Variants in RNF4 observed in about 807,000 individuals in gnomAD.
RNF4 encodes E3 ubiquitin-protein ligase RNF4.
In RNF4, 7 loss-of-function variants were observed where a neutral mutation model predicts 24.3. The observed-to-expected ratio is 0.29, with a 90% confidence interval of 0.16 to 0.54. The LOEUF is 0.54. Among genes scored for constraint, RNF4 ranks in the 20% least tolerant of loss-of-function variants. The pLI, the probability that RNF4 is intolerant of heterozygous loss-of-function variation, is 0.95. For synonymous variants in RNF4, 83 were observed against 84.3 expected (o/e 0.98, Z 0.09); for missense variants, 209 against 248.5 (o/e 0.84, Z 1.07).
At position 2,492,025 on chromosome 4, in the gene RNF4, C is replaced by T. The variant is rs537131250; in HGVS notation, c.9+1523C>T. On this transcript the variant is annotated intron_variant, in intron 2 of 7. Coordinates refer to ENST00000314289, the MANE Select transcript of RNF4 (RefSeq NM_002938.5). The stretch of plus-strand genomic sequence containing the variant: ...CATCCTGGCTAACACGGTGAAACCC[C>T]GTCTCTACTAAAAATACAAAAAATT... 3.7e-4 allele frequency among the ~76,000 whole-genome samples: 56 copies of T among 151,792 alleles called. No homozygotes were observed. In the South Asian group the frequency reaches 9.6e-3, roughly 26 times the overall value.
At chr4:2,489,451 C>T (rs954958724) in intron 1 of RNF4, among the ~76,000 whole-genome samples, 25 of 152,198 alleles carry the variant, frequency 1.6e-4, no homozygotes, top group Non-Finnish European at 1.5e-4. Context: ...CGTTATGCTA[C>T]TTCAGTACGT....
Position 2,514,027 on chromosome 4 carries a change from T to C in RNF4, c.*208T>C. 1.6e-6 allele frequency: 1 copy of C among 632,672 alleles called. No homozygotes were observed. Among genetic ancestry groups the C allele is most frequent in the East Asian group, 2.8e-5 (1 of 35,506 alleles). The allele number at this position is 632,672 out of a possible 1,614,324, so 39.2% of individuals were successfully genotyped here. A position where few individuals can be genotyped will look rare whatever the true frequency, so the allele number is the denominator to read the frequency against. ...ACCCAGGGCCCTCCCAGGCCATCTC[T>C]GTTCCTCTGGGGTGGTCCAGTTCTA... is the stretch of plus-strand genomic sequence containing the variant. On this transcript the variant is annotated 3_prime_UTR_variant, in exon 8 of 8. Transcript: ENST00000314289.
chr4:2,514,839 T>A lies in RNF4; in HGVS notation c.*1020T>A, dbSNP rs1255738423. 6.6e-6 allele frequency: 1 copy of A among 152,658 alleles called. No individual in the cohort carries two copies. Among genetic ancestry groups the A allele is most frequent in the Non-Finnish European group, 1.5e-5 (1 of 68,078 alleles). 9.5% of individuals were successfully genotyped at this position (152,658 alleles called of 1,614,324 possible). ...ATGTTCGGAGAACCTGGCCCACCTG[T>A]CTTGGCTTTCTCATCCTTCCCAACC... On this transcript the variant is annotated 3_prime_UTR_variant, in exon 8 of 8. Coordinates refer to ENST00000314289, the MANE Select transcript of RNF4 (RefSeq NM_002938.5).
intron 1 of RNF4, among the ~76,000 whole-genome samples, chr4:2,488,809 ATTTTTTAT>A (rs1030645976): frequency 1.0e-5 from 1 of 98,144 alleles, no homozygotes; most frequent in African/African-American, 3.1e-5. Context: ...TTTTATTTTC[ATTTTTTAT>A]TTATTTATTT....
intron 1 of RNF4, among the ~76,000 whole-genome samples, chr4:2,475,155 A>C (rs1735029618): frequency 6.6e-6 from 1 of 152,152 alleles, no homozygotes; most frequent in Admixed American, 6.6e-5. Flanking sequence ...TGAAGACTCA[A>C]ATGATCATTA....
chr4:2,487,666 C>T (rs1735451566), intron 1 of RNF4, among the ~76,000 whole-genome samples: 2 of 152,146 alleles, frequency 1.3e-5, no homozygotes, highest in Admixed American at 1.3e-4. Flanking sequence ...AAGAGATCCT[C>T]CCTCTTCAAC....
At chr4:2,476,532 A>G (rs1735080034) in intron 1 of RNF4, among the ~76,000 whole-genome samples, 1 of 152,116 alleles carries the variant, frequency 6.6e-6, no homozygotes, top group South Asian at 2.1e-4. Context: ...ACCTGGGATT[A>G]CAGGCATGTG....
intron 1 of RNF4, among the ~76,000 whole-genome samples, chr4:2,474,590 G>T (rs1735010331): frequency 1.3e-5 from 2 of 152,190 alleles, no homozygotes; most frequent in Non-Finnish European, 2.9e-5. Flanking sequence ...TAATAAAACA[G>T]TGGCAGGGTT....
chr4:2,481,397 G>C (rs1338124403), intron 1 of RNF4, among the ~76,000 whole-genome samples: 1 of 152,034 alleles, frequency 6.6e-6, no homozygotes, highest in Non-Finnish European at 1.5e-5. Context: ...TTTTTTTAAG[G>C]AACACATATG....
chr4:2,475,807 T>G (rs1735053344), intron 1 of RNF4, among the ~76,000 whole-genome samples: 1 of 152,200 alleles, frequency 6.6e-6, no homozygotes, highest in African/African-American at 2.4e-5. Flanking sequence ...AGCCCCATTT[T>G]ACTCTTCCTG....
At chr4:2,478,526 G>A (rs1190319770) in intron 1 of RNF4, among the ~76,000 whole-genome samples, 1 of 152,232 alleles carries the variant, frequency 6.6e-6, no homozygotes, top group Non-Finnish European at 1.5e-5. Context: ...CTAGGGGCCT[G>A]GTGCCCTGCG....
At chr4:2,473,466 C>A (rs1379797043) in intron 1 of RNF4, among the ~76,000 whole-genome samples, 1 of 151,964 alleles carries the variant, frequency 6.6e-6, no homozygotes, top group Non-Finnish European at 1.5e-5. Flanking sequence ...TTCTAGACTT[C>A]AATGGAAAAA....
intron 2 of RNF4, among the ~76,000 whole-genome samples, chr4:2,491,857 C>G (rs1735587231): frequency 6.6e-6 from 1 of 151,850 alleles, no homozygotes; most frequent in Admixed American, 6.6e-5. Context: ...CCTCAGCATC[C>G]TGAGTAGTTG....
At chr4:2,476,086 TG>T (rs1735062654) in intron 1 of RNF4, among the ~76,000 whole-genome samples, 1 of 152,218 alleles carries the variant, frequency 6.6e-6, no homozygotes, top group African/African-American at 2.4e-5. Flanking sequence ...GTAACTGTAT[TG>T]TATTCCTCAA....
Position 2,514,229 on chromosome 4 carries a change from A to G in RNF4, c.*410A>G, listed in dbSNP as rs1401174780. On this transcript the variant is annotated 3_prime_UTR_variant, in exon 8 of 8. Coordinates refer to ENST00000314289, the MANE Select transcript of RNF4 (RefSeq NM_002938.5). Reference sequence around the variant, plus strand: ...CCAATCTGCCTGCCACACATTGACCAAGCCAGACCCGGTTCACCCAGCTCG... The same window carrying G: ...CCAATCTGCCTGCCACACATTGACCGAGCCAGACCCGGTTCACCCAGCTCG... 1 of 208,728 alleles carries G rather than the reference A, an allele frequency of 4.8e-6. No homozygotes were observed. 12.9% of individuals were successfully genotyped at this position (208,728 alleles called of 1,614,324 possible). A position where few individuals can be genotyped will look rare whatever the true frequency, so the allele number is the denominator to read the frequency against.
At chr4:2,484,868 G>T (rs1490355404) in intron 1 of RNF4, among the ~76,000 whole-genome samples, 1 of 152,050 alleles carries the variant, frequency 6.6e-6, no homozygotes, top group Admixed American at 6.6e-5. Context: ...GACTTGTTCA[G>T]TCTCCCATCT....
chr4:2,513,179 A>G, intron 7 of RNF4, 48 bp downstream of exon 7: 1 of 1,559,504 alleles, frequency 6.4e-7, no homozygotes, highest in Non-Finnish European at 8.8e-7. Context: ...TCTAAACTTC[A>G]CTGAAAGAAT....
chr4:2,485,245 G>A (rs1340976973), intron 1 of RNF4, among the ~76,000 whole-genome samples: 3 of 152,128 alleles, frequency 2.0e-5, no homozygotes, highest in African/African-American at 7.2e-5. Context: ...CTCACTGGCC[G>A]CCTTTCAGTT....
chr4:2,488,725 G>A (rs1379198008), intron 1 of RNF4, among the ~76,000 whole-genome samples: 1 of 152,226 alleles, frequency 6.6e-6, no homozygotes, highest in African/African-American at 2.4e-5. Context: ...CTGTTCTATA[G>A]ATAAGGAAAT....
Sources: gnomAD v4.1 joint callset for allele counts (sites outside exome capture counted in the v4.1 genomes callset) on GRCh38, gnomAD v4.1.1 for gene constraint, MANE v1.5 for transcripts, NCBI Gene and HGNC (gene_info 2026-07-23, HGNC 2026-07-21) for gene names.